The following FAM167A variants were observed in gnomAD, a reference collection of about 807,000 sequenced individuals.
FAM167A encodes protein FAM167A.
A neutral mutation model predicts 14.9 loss-of-function variants in FAM167A; 23 were observed. The ratio of observed to expected loss-of-function variants is 1.55; its 90% CI spans 1.11 to 2.19. The LOEUF (loss-of-function observed/expected upper bound fraction) is 2.19. Ranked by LOEUF, FAM167A falls within the 30% of genes most tolerant of loss-of-function variation. The probability of loss-of-function intolerance (pLI) is 0.00; values close to 1 mark genes in which losing one functional copy is unlikely to be tolerated. For synonymous variants in FAM167A, 174 were observed against 117.7 expected (o/e 1.48, Z -3.10); for missense variants, 401 against 281.5 (o/e 1.42, Z -3.04).
intron 2 of FAM167A, among the ~76,000 whole-genome samples, chr8:11,441,439 C>T (rs1267916760): frequency 1.3e-5 from 2 of 152,248 alleles, no homozygotes; most frequent in Non-Finnish European, 2.9e-5. Context: ...TTCATCTGCA[C>T]ATGAGCCCCA....
intron 1 of FAM167A, among the ~76,000 whole-genome samples, chr8:11,462,765 G>A (rs1208201991): frequency 5.9e-5 from 9 of 151,394 alleles, no homozygotes; most frequent in East Asian, 1.9e-4. Context: ...TACCCCACTC[G>A]CAGCCACTGC....
At chr8:11,445,531 G>C in intron 1 of FAM167A, 1 of 985,516 alleles carries the variant, frequency 1.0e-6, no homozygotes, top group Non-Finnish European at 1.2e-6. Flanking sequence ...GTTCTAGAAC[G>C]AGGCTTCTCG....
chr8:11,429,417 G>A (rs976344549), intron 2 of FAM167A, among the ~76,000 whole-genome samples: 3 of 152,216 alleles, frequency 2.0e-5, no homozygotes, highest in Non-Finnish European at 2.9e-5. Context: ...GTCTGAGCTG[G>A]GACTGGAGTG....
At chr8:11,434,901 T>G (rs1278431967) in intron 2 of FAM167A, 4 of 389,046 alleles carry the variant, frequency 1.0e-5, no homozygotes, top group Non-Finnish European at 2.1e-5. Context: ...GGAGAGAGAG[T>G]GGGAGAGATG....
At position 11,424,306 on chromosome 8, in the gene FAM167A, A is replaced by G. The variant is rs1423240252; in HGVS notation, c.*67T>C. Reference sequence around the variant, plus strand: ...AGACCCACTGGAGTAACTTGGCCTCAGCTTCCTCTGACACCCCTCCAGCCC... The same window carrying G: ...AGACCCACTGGAGTAACTTGGCCTCGGCTTCCTCTGACACCCCTCCAGCCC... On this transcript the variant is annotated 3_prime_UTR_variant, in exon 3 of 3. Coordinates refer to ENST00000284486, the MANE Select transcript of FAM167A (RefSeq NM_053279.3). 2.3e-5 allele frequency: 37 copies of G among 1,593,450 alleles called. No individual in the cohort carries two copies. The highest frequency in any genetic ancestry group is 9.0e-5 in the South Asian group (8 of 88,988).
chr8:11,439,895 C>G (rs1179693575), intron 2 of FAM167A, among the ~76,000 whole-genome samples: 1 of 152,164 alleles, frequency 6.6e-6, no homozygotes, highest in East Asian at 1.9e-4. Flanking sequence ...GGCCCCATCC[C>G]AGGGAGTTGG....
chr8:11,462,827 G>A (rs1421247230), intron 1 of FAM167A, among the ~76,000 whole-genome samples: 7 of 152,186 alleles, frequency 4.6e-5, no homozygotes, highest in African/African-American at 1.7e-4. Flanking sequence ...GCACTTCAGC[G>A]TCTTTATCTC....
intron 1 of FAM167A, among the ~76,000 whole-genome samples, chr8:11,456,146 TGTG>T (rs1807276258): frequency 1.3e-4 from 5 of 37,336 alleles, no homozygotes; most frequent in East Asian, 8.3e-4. Flanking sequence ...TGTGTGTGTG[TGTG>T]AATGTGGGGG....
upstream of FAM167A, among the ~76,000 whole-genome samples, chr8:11,470,326 C>A (rs11780432): frequency 0.14 from 20,755 of 151,956 alleles, 1,686 homozygotes; most frequent in South Asian, 0.15. Flanking sequence ...GAAGGGTGTT[C>A]TAGGGAAAGG....
chr8:11,429,249 A>G (rs995387252), intron 2 of FAM167A, among the ~76,000 whole-genome samples: 6 of 152,248 alleles, frequency 3.9e-5, no homozygotes, highest in African/African-American at 1.4e-4. Flanking sequence ...ACTTAGCATA[A>G]TGTCCTCTGG....
At chr8:11,436,745 C>G (rs879795830) in intron 2 of FAM167A, among the ~76,000 whole-genome samples, 8 of 152,186 alleles carry the variant, frequency 5.3e-5, no homozygotes, top group Admixed American at 5.2e-4. Flanking sequence ...ACCCCTGGGG[C>G]ACAACTGTTG....
At position 11,423,987 on chromosome 8, in the gene FAM167A, C is replaced by A. The variant is rs974422411; in HGVS notation, c.*386G>T. The A allele has an allele frequency of 4.5e-6, 1 of 222,058 alleles. No homozygotes were observed. Among genetic ancestry groups the A allele is most frequent in the East Asian group, 1.0e-4 (1 of 9,788 alleles). The allele number at this position is 222,058 out of a possible 1,614,324, so 13.8% of individuals were successfully genotyped here. On this transcript the variant is annotated 3_prime_UTR_variant, in exon 3 of 3. Transcript: ENST00000284486. ...TTCCCCCAAGGCCCTTGCGGGACAG[C>A]CTTCTGCAAAAATGACAGCTTTGTT...
intron 2 of FAM167A, among the ~76,000 whole-genome samples, chr8:11,431,089 A>G (rs1410433914): frequency 6.6e-6 from 1 of 152,252 alleles, no homozygotes; most frequent in Non-Finnish European, 1.5e-5. Flanking sequence ...GGCAAAAGCT[A>G]GAACCTGGAT....
At position 11,424,248 on chromosome 8, in the gene FAM167A, G is replaced by C; in HGVS notation, c.*125C>G. ...CCACTGAATAGGTCCTGGGGCCCTT[G>C]AGTCGCCAGTCCCAGGGACCCCTGC... On this transcript the variant is annotated 3_prime_UTR_variant, in exon 3 of 3. Transcript: ENST00000284486. The C allele has an allele frequency of 1.5e-6, 2 of 1,302,180 alleles. No homozygotes were observed. Among genetic ancestry groups the C allele is most frequent in the African/African-American group, 1.5e-5 (1 of 67,894 alleles). 80.7% of individuals were successfully genotyped at this position (1,302,180 alleles called of 1,614,324 possible). A position where few individuals can be genotyped will look rare whatever the true frequency, so the allele number is the denominator to read the frequency against.
intron 1 of FAM167A, among the ~76,000 whole-genome samples, chr8:11,466,147 G>A (rs1221986616): frequency 6.6e-6 from 1 of 152,230 alleles, no homozygotes; most frequent in East Asian, 1.9e-4. Flanking sequence ...GGTCCTTAGA[G>A]CACCCTTGGG....
At chr8:11,462,433 C>T (rs1807579149) in intron 1 of FAM167A, among the ~76,000 whole-genome samples, 1 of 152,184 alleles carries the variant, frequency 6.6e-6, no homozygotes, top group Admixed American at 6.5e-5. Context: ...TTTAGTTACA[C>T]CTCTAATACG....
At chr8:11,474,603 G>C (rs1797812966) in intron 1 of FAM167A, 1 of 152,266 alleles carries the variant, frequency 6.6e-6, no homozygotes, top group African/African-American at 2.4e-5. Flanking sequence ...CCAGAGATGG[G>C]CTTACCTAGG....
chr8:11,459,548 C>T (rs1038195382), intron 1 of FAM167A, among the ~76,000 whole-genome samples: 2 of 152,184 alleles, frequency 1.3e-5, no homozygotes, highest in Non-Finnish European at 2.9e-5. Context: ...GCTGTGAGTA[C>T]AGCTGCTGTG....
chr8:11,430,911 A>T (rs1805536504), intron 2 of FAM167A, among the ~76,000 whole-genome samples: 1 of 152,144 alleles, frequency 6.6e-6, no homozygotes, highest in Non-Finnish European at 1.5e-5. Context: ...GGACCTGGGG[A>T]TTTTCCTGGG....
Sources: allele counts gnomAD v4.1 joint callset (sites outside exome capture counted in the v4.1 genomes callset), GRCh38; gene constraint gnomAD v4.1.1; transcripts MANE v1.5; gene names NCBI Gene and HGNC (gene_info 2026-07-23, HGNC 2026-07-21).